Variants in ARHGAP6 observed in about 807,000 individuals in gnomAD.
The protein encoded by ARHGAP6 is Rho GTPase activating protein 6.
Under a neutral mutation model 55.7 loss-of-function variants are expected in ARHGAP6, and 16 were observed. That is an observed-to-expected ratio of 0.29 (90% CI 0.19 to 0.44). The LOEUF (loss-of-function observed/expected upper bound fraction) is 0.44. ARHGAP6 is among the 20% of genes least tolerant of loss of function. The probability of loss-of-function intolerance (pLI) is 1.00; values close to 1 mark genes in which losing one functional copy is unlikely to be tolerated. For synonymous variants in ARHGAP6, 382 were observed against 360.9 expected, an observed-to-expected ratio of 1.06 and a Z score of -0.66; for missense variants, 698 against 808.9, an observed-to-expected ratio of 0.86 and a Z score of 1.66.
chrX:11,478,035 C>G (rs1010088595), intron 1 of ARHGAP6, among the ~76,000 whole-genome samples: 5 of 111,662 alleles, frequency 4.5e-5, no homozygotes, highest in Non-Finnish European at 7.5e-5. Flanking sequence ...GATATAAATG[C>G]ATACCCTTCA....
At chrX:11,315,549 T>C (rs1163304615) in intron 1 of ARHGAP6, among the ~76,000 whole-genome samples, 3 of 111,797 alleles carry the variant, frequency 2.7e-5, no homozygotes, top group Admixed American at 9.4e-5. Context: ...AAATTAATAA[T>C]TGACGGCAGG....
chrX:11,351,047 TACAC>T (rs35026703), intron 1 of ARHGAP6, among the ~76,000 whole-genome samples: 343 of 87,902 alleles, frequency 3.9e-3, no homozygotes, highest in East Asian at 0.018. Flanking sequence ...ATATTCAAAT[TACAC>T]ACACACACAC....
At position 11,138,703 on chromosome X, in the gene ARHGAP6, C is replaced by T. The variant is rs1194530351; in HGVS notation, c.*160G>A. ...GGAACCTTATTCTCAATGGCGGGGG[C>T]GTGAGTGCTCTACCTCTGTAGGTGA... On this transcript the variant is annotated 3_prime_UTR_variant, in exon 13 of 13. Coordinates refer to ENST00000337414, the MANE Select transcript of ARHGAP6 (RefSeq NM_013427.3). 9.0e-6 allele frequency: 5 copies of T among 553,204 alleles called. No individual in the cohort carries two copies. Among genetic ancestry groups the T allele is most frequent in the Middle Eastern group, 5.3e-4 (1 of 1,884 alleles). The allele number at this position is 553,204 out of a possible 1,213,427, so 45.6% of individuals were successfully genotyped here. A position where few individuals can be genotyped will look rare whatever the true frequency, so the allele number is the denominator to read the frequency against.
intron 1 of ARHGAP6, among the ~76,000 whole-genome samples, chrX:11,658,188 T>C (rs2052659624): frequency 9.0e-6 from 1 of 111,642 alleles, no homozygotes; most frequent in African/African-American, 3.3e-5. Flanking sequence ...AATTTGGAGC[T>C]AGATGCTACC....
At chrX:11,573,321 C>G (rs1164068058) in intron 1 of ARHGAP6, among the ~76,000 whole-genome samples, 1 of 109,217 alleles carries the variant, frequency 9.2e-6, no homozygotes. Context: ...GGTTTTAGGT[C>G]TAACGTTTAA....
At chrX:11,145,082 C>G (rs1034123847) in intron 10 of ARHGAP6, 1 of 112,194 alleles carries the variant, frequency 8.9e-6, no homozygotes, top group Non-Finnish European at 1.9e-5. Context: ...CTGGAAACAT[C>G]TTTCTTTTCT....
At chrX:11,546,836 T>C (rs746530404) in intron 1 of ARHGAP6, among the ~76,000 whole-genome samples, 18 of 112,382 alleles carry the variant, frequency 1.6e-4, no homozygotes, top group Non-Finnish European at 3.2e-4. Flanking sequence ...TCTACTTCTC[T>C]GATAAATCAG....
intron 1 of ARHGAP6, among the ~76,000 whole-genome samples, chrX:11,568,115 A>C (rs1454778058): frequency 9.0e-6 from 1 of 111,660 alleles, no homozygotes; most frequent in Non-Finnish European, 1.9e-5. Flanking sequence ...ATGAGAAAAC[A>C]CTGAGAGCAT....
At chrX:11,272,996 G>T (rs1235805535) in intron 1 of ARHGAP6, among the ~76,000 whole-genome samples, 1 of 111,799 alleles carries the variant, frequency 8.9e-6, no homozygotes, top group Non-Finnish European at 1.9e-5. Context: ...GCTCTGTAAA[G>T]TGGAGATAAA....
intron 1 of ARHGAP6, among the ~76,000 whole-genome samples, chrX:11,349,847 C>T (rs140546051): frequency 1.7e-3 from 185 of 111,788 alleles, no homozygotes; most frequent in South Asian, 3.0e-3. Flanking sequence ...ATGTCTGGTA[C>T]AATGGAAAAC....
chrX:11,450,043 C>T (rs1353316776), intron 1 of ARHGAP6, among the ~76,000 whole-genome samples: 2 of 111,334 alleles, frequency 1.8e-5, no homozygotes, highest in Non-Finnish European at 3.8e-5. Flanking sequence ...ACAGTTGTCA[C>T]CAGAACAGCC....
intron 1 of ARHGAP6, among the ~76,000 whole-genome samples, chrX:11,571,133 G>A (rs1469602813): frequency 3.6e-5 from 4 of 111,885 alleles, no homozygotes; most frequent in African/African-American, 1.3e-4. Flanking sequence ...ATAAAATTCT[G>A]TTCTCTATAA....
intron 1 of ARHGAP6, among the ~76,000 whole-genome samples, chrX:11,302,899 C>T (rs1284591124): frequency 1.8e-5 from 2 of 111,835 alleles, no homozygotes; most frequent in African/African-American, 6.5e-5. Context: ...CTCAACTCCA[C>T]ACAAAATAAA....
chrX:11,303,868 C>T (rs760245961), intron 1 of ARHGAP6, among the ~76,000 whole-genome samples: 2 of 111,502 alleles, frequency 1.8e-5, no homozygotes, highest in African/African-American at 3.3e-5. Context: ...TCAGTACACT[C>T]GTCTATAAAA....
chrX:11,404,879 G>A (rs953990029), intron 1 of ARHGAP6, among the ~76,000 whole-genome samples: 1 of 111,670 alleles, frequency 9.0e-6, no homozygotes, highest in African/African-American at 3.3e-5. Context: ...CTCTAATGGA[G>A]ACATTTTCAT....
chrX:11,577,120 T>G (rs1455155719), intron 1 of ARHGAP6, among the ~76,000 whole-genome samples: 1 of 112,078 alleles, frequency 8.9e-6, no homozygotes, highest in Non-Finnish European at 1.9e-5. Context: ...CATCTCAAGA[T>G]CCTTAATTTA....
At chrX:11,657,718 G>A (rs1422734588) in intron 1 of ARHGAP6, among the ~76,000 whole-genome samples, 1 of 107,521 alleles carries the variant, frequency 9.3e-6, no homozygotes, top group East Asian at 2.9e-4. Context: ...GATGATGGTT[G>A]AAGTCACAAA....
In ARHGAP6 at chrX:11,254,584, C is replaced by T. The variant is rs200834762; in HGVS notation, c.712G>A (p.Asp238Asn). 230 of 1,208,042 alleles carry T rather than the reference C, an allele frequency of 1.9e-4. No homozygotes were observed. Among genetic ancestry groups the T allele is most frequent in the Admixed American group, 4.2e-4 (19 of 45,448 alleles). Reference protein sequence around the residue: ...QEVAFYQLQQDCDLSCQITIP... With the variant: ...QEVAFYQLQQNCDLSCQITIP... ...GTGATCTGACAGCTCAGGTCACAGTCCTGTTGCAACTGATAAAAAGCCACT... is the reference window on the plus strand; with the variant it reads ...GTGATCTGACAGCTCAGGTCACAGTTCTGTTGCAACTGATAAAAAGCCACT... The change falls in exon 2 of 13, where the codon GAC (aspartate) becomes AAC (asparagine). Residue 238 changes from aspartate (D) to asparagine (N), a missense_variant. Physicochemically the swap from Asp to Asn is conservative, Grantham distance 23 (BLOSUM62 1). Coordinates refer to ENST00000337414, the MANE Select transcript of ARHGAP6 (RefSeq NM_013427.3).
intron 2 of ARHGAP6, among the ~76,000 whole-genome samples, chrX:11,224,837 C>T (rs1184495432): frequency 9.0e-6 from 1 of 110,697 alleles, no homozygotes; most frequent in Non-Finnish European, 1.9e-5. Flanking sequence ...GAGGTAGTGG[C>T]TGTGTATGTT....
Sources: allele counts gnomAD v4.1 joint callset (sites outside exome capture counted in the v4.1 genomes callset), GRCh38; gene constraint gnomAD v4.1.1; transcripts MANE v1.5; gene names NCBI Gene and HGNC (gene_info 2026-07-23, HGNC 2026-07-21).